The following EFCAB9 variants were observed in gnomAD, a reference collection of about 807,000 sequenced individuals.
The protein encoded by EFCAB9 is EF-hand calcium binding domain 9.
Under a neutral mutation model 15.6 loss-of-function variants are expected in EFCAB9, and 16 were observed. The observed-to-expected ratio is 1.03, with a 90% CI of 0.69 to 1.56. The LOEUF (loss-of-function observed/expected upper bound fraction) is 1.56, where lower values mean the gene tolerates loss of function less well. Among genes scored for constraint, EFCAB9 ranks in the 40% most tolerant of loss-of-function variants. The probability of loss-of-function intolerance (pLI) is 0.00; values close to 1 mark genes in which losing one functional copy is unlikely to be tolerated. For missense variants in EFCAB9, 208 were observed against 235.4 expected (o/e 0.88, Z 0.76); for synonymous variants, 76 against 85.4 (o/e 0.89, Z 0.61).
chr5:172,196,700 G>C (rs771669669), intron 1 of EFCAB9, among the ~76,000 whole-genome samples: 1 of 151,362 alleles, frequency 6.6e-6, no homozygotes, highest in Non-Finnish European at 1.5e-5. Flanking sequence ...TTATGCAGGA[G>C]AGAGTTTCTG....
At chr5:172,203,178 G>A (rs1263586332) in intron 3 of EFCAB9, 36 bp from the exon 4 acceptor site, 2 of 1,452,916 alleles carry the variant, frequency 1.4e-6, no homozygotes, top group Admixed American at 5.5e-5. Flanking sequence ...AGTTTTTCCT[G>A]AAATAATTTT....
Position 172,203,375 on chromosome 5 carries a change from T to C in EFCAB9, c.*30T>C. ...AAGCTGAAAGAGTCTTGGAAAAAAATGGGATCTGAAAGTACAGAACATGAA... is the reference window on the plus strand; with the variant it reads ...AAGCTGAAAGAGTCTTGGAAAAAAACGGGATCTGAAAGTACAGAACATGAA... On this transcript the variant is annotated 3_prime_UTR_variant, in exon 4 of 4. Transcript: ENST00000398186. 1 of 1,519,264 alleles carries C rather than the reference T, an allele frequency of 6.6e-7. No individual in the cohort carries two copies. Among genetic ancestry groups the C allele is most frequent in the Non-Finnish European group, 8.8e-7 (1 of 1,141,872 alleles). The allele number at this position is 1,519,264 out of a possible 1,614,324, so 94.1% of individuals were successfully genotyped here. A position where few individuals can be genotyped will look rare whatever the true frequency, so the allele number is the denominator to read the frequency against.
chr5:172,200,695 C>T lies in EFCAB9; in HGVS notation c.415C>T (p.Gln139Ter), dbSNP rs1272949457. ...CAGATTTCTCTTCAATATTCAAAAA[C>T]AGGAACTCAAAGATCTCTTCCGTGA... ...MYRFLFNIQK[Q>*]ELKDLFRDFD... Residue 139 changes from glutamine (Q) to a stop codon, truncating the protein, a stop_gained, in exon 3 of 4, where the codon CAG becomes TAG. Coordinates refer to ENST00000398186, the MANE Select transcript of EFCAB9 (RefSeq NM_001171183.2). LOFTEE classifies it low-confidence loss of function (END_TRUNC). 3 of 1,537,480 alleles carry T rather than the reference C, an allele frequency of 2.0e-6. No individual in the cohort carries two copies. Among genetic ancestry groups the T allele is most frequent in the East Asian group, 4.9e-5 (2 of 40,908 alleles).
At chr5:172,198,366 G>A (rs977355128) in intron 1 of EFCAB9, among the ~76,000 whole-genome samples, 5 of 152,088 alleles carry the variant, frequency 3.3e-5, no homozygotes, top group Non-Finnish European at 5.9e-5. Flanking sequence ...AAAATTACCT[G>A]GACATGGTGG....
At position 172,200,606 on chromosome 5, in the gene EFCAB9, C is replaced by T. The variant is rs1191976125; in HGVS notation, c.326C>T (p.Pro109Leu). The T allele has an allele frequency of 6.5e-7, 1 of 1,537,066 alleles. No individual in the cohort carries two copies. The highest frequency in any genetic ancestry group is 8.7e-7 in the Non-Finnish European group (1 of 1,146,886). The change falls in exon 3 of 4, where the codon CCT (proline) becomes CTT (leucine). Residue 109 changes from proline to leucine, a missense_variant. By Grantham distance (98) the Pro-to-Leu change is moderately conservative (BLOSUM62 -3). Coordinates refer to ENST00000398186, the MANE Select transcript of EFCAB9 (RefSeq NM_001171183.2). ...CAGTTTATGTATCGTCATTCCCGGC[C>T]TGTCTTTGACCTGCTTGACCTGAAA... ...EGQFMYRHSR[P>L]VFDLLDLKGD... is the part of the protein sequence containing the mutation.
At chr5:172,201,240 T>C (rs1208410917) in intron 3 of EFCAB9, among the ~76,000 whole-genome samples, 1 of 151,358 alleles carries the variant, frequency 6.6e-6, no homozygotes, top group Non-Finnish European at 1.5e-5. Context: ...CCAGGCGCAG[T>C]GGCACATGCC....
At chr5:172,201,553 C>A (rs1249150381) in intron 3 of EFCAB9, among the ~76,000 whole-genome samples, 3 of 71,568 alleles carry the variant, frequency 4.2e-5, no homozygotes, top group African/African-American at 9.8e-5. Flanking sequence ...TCTTAAAAAA[C>A]AAACAAACAA....
rs1248632533 is a variant in EFCAB9, at chr5:172,203,367, G to GA, written c.*29dup. The stretch of plus-strand genomic sequence containing the variant: ...GTAGATACAAGCTGAAAGAGTCTTG[G>GA]AAAAAAATGGGATCTGAAAGTACAG... On this transcript the variant is annotated 3_prime_UTR_variant, in exon 4 of 4. Coordinates refer to ENST00000398186, the MANE Select transcript of EFCAB9 (RefSeq NM_001171183.2). 2.6e-6 allele frequency: 4 copies of GA among 1,517,444 alleles called. No homozygotes were observed. The highest frequency in any genetic ancestry group is 3.5e-6 in the Non-Finnish European group (4 of 1,141,406). 94.0% of individuals were successfully genotyped at this position (1,517,444 alleles called of 1,614,324 possible).
In EFCAB9 at chr5:172,203,200, C is replaced by G. The variant is rs529025948; in HGVS notation, c.463-14C>G. 9 of 1,204,878 alleles carry G rather than the reference C, an allele frequency of 7.5e-6. No homozygotes were observed. The highest frequency in any genetic ancestry group is 9.9e-6 in the Non-Finnish European group (9 of 909,176). 74.6% of individuals were successfully genotyped at this position (1,204,878 alleles called of 1,614,324 possible). A position where few individuals can be genotyped will look rare whatever the true frequency, so the allele number is the denominator to read the frequency against. ...CCTGAAATAATTTTTCTTTCCCCCC[C>G]ACCCTAACCAAAGCGTCTTAATTAT... is the stretch of plus-strand genomic sequence containing the variant. On this transcript the variant is annotated splice_polypyrimidine_tract_variant and intron_variant, in intron 3 of 3. Transcript: ENST00000398186.
intron 1 of EFCAB9, among the ~76,000 whole-genome samples, chr5:172,195,953 A>G (rs1198190428): frequency 6.6e-6 from 1 of 151,972 alleles, no homozygotes; most frequent in East Asian, 1.9e-4. Context: ...ACAGCTGTGC[A>G]CCACCACACC....
At chr5:172,198,938 C>A (rs1005639741) in intron 1 of EFCAB9, among the ~76,000 whole-genome samples, 5 of 152,180 alleles carry the variant, frequency 3.3e-5, no homozygotes, top group Non-Finnish European at 5.9e-5. Flanking sequence ...TTGTATTCCT[C>A]ATTTTAATTA....
At position 172,194,356 on chromosome 5, in the gene EFCAB9, GC is replaced by G. The variant is rs775447655; in HGVS notation, c.136+49del. On this transcript the variant is annotated intron_variant, in intron 1 of 3. Coordinates refer to ENST00000398186, the MANE Select transcript of EFCAB9 (RefSeq NM_001171183.2). ...CCTCTGGGTCCTTACCTGGGTTTTAGCTAATGTGTAAGAAAACTTGCAGAGC... is the reference window on the plus strand; with the variant it reads ...CCTCTGGGTCCTTACCTGGGTTTTAGTAATGTGTAAGAAAACTTGCAGAGC... 774 of 1,515,174 alleles carry G rather than the reference GC, an allele frequency of 5.1e-4. 5 individuals carry two copies. The highest frequency in any genetic ancestry group is 8.2e-5 in the Non-Finnish European group (93 of 1,136,796). 93.9% of individuals were successfully genotyped at this position (1,515,174 alleles called of 1,614,324 possible). A position where few individuals can be genotyped will look rare whatever the true frequency, so the allele number is the denominator to read the frequency against.
chr5:172,198,608 G>T (rs1403104266), intron 1 of EFCAB9, among the ~76,000 whole-genome samples: 1 of 152,200 alleles, frequency 6.6e-6, no homozygotes, highest in Non-Finnish European at 1.5e-5. Context: ...TTATAGACGG[G>T]GAATGACTTT....
chr5:172,202,332 C>CAAAAAAAAAAAAAAAA (rs10690291), intron 3 of EFCAB9, among the ~76,000 whole-genome samples: 1 of 73,368 alleles, frequency 1.4e-5, no homozygotes, highest in Non-Finnish European at 2.3e-5. Flanking sequence ...GACTTCATCT[C>CAAAAAAAAAAAAAAAA]AAAAAAAAAA....
At chr5:172,195,574 T>C (rs1046381133) in intron 1 of EFCAB9, among the ~76,000 whole-genome samples, 1 of 152,162 alleles carries the variant, frequency 6.6e-6, no homozygotes, top group Admixed American at 6.5e-5. Context: ...GCAAAGCCCA[T>C]GCTGAGTCTC....
chr5:172,195,626 T>G (rs1183927706), intron 1 of EFCAB9, among the ~76,000 whole-genome samples: 1 of 152,166 alleles, frequency 6.6e-6, no homozygotes, highest in East Asian at 1.9e-4. Flanking sequence ...GTAACCTCCC[T>G]GCTGATGCAG....
At chr5:172,202,952 T>C (rs1216428787) in intron 3 of EFCAB9, among the ~76,000 whole-genome samples, 2 of 152,132 alleles carry the variant, frequency 1.3e-5, no homozygotes, top group Non-Finnish European at 2.9e-5. Context: ...TGAGCCGAGA[T>C]AGCGCCACTG....
chr5:172,203,204 C>G lies in EFCAB9; in HGVS notation c.463-10C>G, dbSNP rs762665472. ...AAATAATTTTTCTTTCCCCCCCACC[C>G]TAACCAAAGCGTCTTAATTATCAGG... is the stretch of plus-strand genomic sequence containing the variant. On this transcript the variant is annotated splice_polypyrimidine_tract_variant and intron_variant, in intron 3 of 3. Coordinates refer to ENST00000398186, the MANE Select transcript of EFCAB9 (RefSeq NM_001171183.2). 4 of 441,412 alleles carry G rather than the reference C, an allele frequency of 9.1e-6. No individual in the cohort carries two copies. In the Admixed American group the frequency reaches 3.2e-4, roughly 36 times the overall value. The allele number at this position is 441,412 out of a possible 1,614,324, so 27.3% of individuals were successfully genotyped here.
At chr5:172,202,215 C>A (rs1191694414) in intron 3 of EFCAB9, among the ~76,000 whole-genome samples, 1 of 150,332 alleles carries the variant, frequency 6.7e-6, no homozygotes, top group Non-Finnish European at 1.5e-5. Context: ...GTGGCAGGTG[C>A]CTGTGGTCCC....
Sources: allele counts gnomAD v4.1 joint callset (sites outside exome capture counted in the v4.1 genomes callset), GRCh38; gene constraint gnomAD v4.1.1; transcripts MANE v1.5; gene names NCBI Gene and HGNC (gene_info 2026-07-23, HGNC 2026-07-21).